Variants in TTC3 observed in about 807,000 individuals in gnomAD.
The protein encoded by TTC3 is tetratricopeptide repeat domain 3.
In TTC3, 180 loss-of-function variants were observed where a neutral mutation model predicts 249.6. The observed-to-expected ratio is 0.72, with a 90% confidence interval of 0.64 to 0.82. TTC3 has a LOEUF of 0.82. Among genes scored for constraint, TTC3 ranks in the 40% least tolerant of loss-of-function variants. The probability of loss-of-function intolerance (pLI) is 0.00; values close to 1 mark genes in which losing one functional copy is unlikely to be tolerated. For synonymous variants in TTC3, 717 were observed against 805.0 expected, an observed-to-expected ratio of 0.89 and a Z score of 1.85; for missense variants, 2,061 against 2,398.4, an observed-to-expected ratio of 0.86 and a Z score of 2.94.
At chr21:37,108,122 C>T (rs977924737) in intron 10 of TTC3, 5 of 297,710 alleles carry the variant, frequency 1.7e-5, no homozygotes, top group South Asian at 1.0e-4. Context: ...GGTACAATGT[C>T]GAAATGTGCA....
At chr21:37,169,192 T>C (rs1002589209) in intron 34 of TTC3, among the ~76,000 whole-genome samples, 3 of 152,174 alleles carry the variant, frequency 2.0e-5, no homozygotes, top group African/African-American at 7.2e-5. Context: ...ACAGGATTAA[T>C]TTGAAACTAG....
At chr21:37,191,276 C>A in intron 39 of TTC3, 58 bp from the exon 40 acceptor site, 1 of 1,187,644 alleles carries the variant, frequency 8.4e-7, no homozygotes, top group Non-Finnish European at 1.2e-6. Context: ...GTTTATTTGA[C>A]CGTAAGTGCT....
chr21:37,139,875 C>T (rs16994760), intron 19 of TTC3, among the ~76,000 whole-genome samples: 1,930 of 152,218 alleles, frequency 0.013, 35 homozygotes, highest in African/African-American at 0.045. Flanking sequence ...ACAGCCCTTG[C>T]TTCAAACGTT....
chr21:37,147,949 G>A (rs1317488537), intron 22 of TTC3, among the ~76,000 whole-genome samples: 2 of 152,048 alleles, frequency 1.3e-5, no homozygotes, highest in Non-Finnish European at 2.9e-5. Flanking sequence ...GGATGGTCTC[G>A]ATCTCTTGAC....
chr21:37,091,169 A>G, intron 6 of TTC3, 124 bp from the exon 7 acceptor site: 1 of 998,644 alleles, frequency 1.0e-6, no homozygotes, highest in Non-Finnish European at 1.5e-6. Context: ...GTAGCAAAAA[A>G]TAAGTGGTTG....
At chr21:37,198,197 G>A (rs949499973) in intron 44 of TTC3, among the ~76,000 whole-genome samples, 172 bp downstream of exon 44, 1 of 152,152 alleles carries the variant, frequency 6.6e-6, no homozygotes, top group African/African-American at 2.4e-5. Context: ...GTGAATGGCC[G>A]AGGTCATGGT....
In TTC3 at chr21:37,198,629, GTTAAAA is replaced by G. The variant is rs369242521; in HGVS notation, c.5850+611_5850+616del. ...GGACCTAATTTGATAACCATAGTTT[GTTAAAA>G]TTAAAAGTATTAATTTTCAAATTAC... On this transcript the variant is annotated intron_variant, in intron 44 of 45. Coordinates refer to ENST00000355666, the Ensembl canonical transcript of TTC3. Among the ~76,000 whole-genome samples, 254 of 152,240 alleles carry G rather than the reference GTTAAAA, an allele frequency of 1.7e-3. 1 individual carries two copies. Among genetic ancestry groups the G allele is most frequent in the Non-Finnish European group, 3.1e-3 (214 of 68,014 alleles).
chr21:37,167,722 C>G (rs1045094547), intron 34 of TTC3, 102 bp downstream of exon 34: 6 of 787,384 alleles, frequency 7.6e-6, no homozygotes, highest in African/African-American at 7.2e-5. Context: ...TTATTCCACA[C>G]AAAGTTATCA....
intron 21 of TTC3, 23 bp from the exon 22 acceptor site, chr21:37,147,458 C>G (rs1186589517): frequency 6.3e-7 from 1 of 1,585,158 alleles, no homozygotes; most frequent in Non-Finnish European, 8.6e-7. Context: ...GTAATGGTAT[C>G]ATTTTTGTTT....
At chr21:37,110,579 A>C (rs1412243628) in intron 11 of TTC3, among the ~76,000 whole-genome samples, 1 of 152,204 alleles carries the variant, frequency 6.6e-6, no homozygotes, top group Non-Finnish European at 1.5e-5. Context: ...ATCTACGTCT[A>C]ATTGGTGTAC....
chr21:37,168,947 A>G (rs1185346765), intron 34 of TTC3, among the ~76,000 whole-genome samples: 3 of 152,162 alleles, frequency 2.0e-5, no homozygotes, highest in East Asian at 3.9e-4. Context: ...GGATGTTGGC[A>G]GTTGTCAGGA....
intron 21 of TTC3, among the ~76,000 whole-genome samples, chr21:37,146,554 A>G (rs1469677853): frequency 6.6e-6 from 1 of 152,148 alleles, no homozygotes; most frequent in Non-Finnish European, 1.5e-5. Flanking sequence ...ATGCTGCAGC[A>G]TGGATGGACC....
chr21:37,176,795 C>T (rs980326031), intron 35 of TTC3, among the ~76,000 whole-genome samples: 1 of 152,214 alleles, frequency 6.6e-6, no homozygotes, highest in African/African-American at 2.4e-5. Flanking sequence ...CCCCAAGCCA[C>T]ACCAGTACGA....
Position 37,087,417 on chromosome 21 carries a change from A to G in TTC3, c.144+16A>G, listed in dbSNP as rs750009298. Reference sequence around the variant, plus strand: ...TGATGGGGTGGTAAGTAGGTTTGCTAATTTTTCATTTTTGACATTGTGTAT... The same window carrying G: ...TGATGGGGTGGTAAGTAGGTTTGCTGATTTTTCATTTTTGACATTGTGTAT... On this transcript the variant is annotated intron_variant, in intron 2 of 45. Coordinates refer to ENST00000355666, the Ensembl canonical transcript of TTC3. 95 of 1,612,340 alleles carry G rather than the reference A, an allele frequency of 5.9e-5. No homozygotes were observed. The highest frequency in any genetic ancestry group is 5.7e-5 in the Non-Finnish European group (67 of 1,179,218).
intron 10 of TTC3, among the ~76,000 whole-genome samples, chr21:37,103,045 T>C (rs1348897288): frequency 1.3e-5 from 2 of 152,146 alleles, no homozygotes; most frequent in Non-Finnish European, 2.9e-5. Context: ...GGTGAAGCCA[T>C]GTATGATTAG....
exon 33 of TTC3, chr21:37,166,075 T>G: frequency 6.2e-7 from 1 of 1,614,164 alleles, no homozygotes; most frequent in South Asian, 1.1e-5. Flanking sequence ...AGGATGCAAA[T>G]TACAAGCGAG....
chr21:37,148,704 TCCC>T (rs1052936791), intron 23 of TTC3, 57 bp downstream of exon 23: 1 of 1,194,314 alleles, frequency 8.4e-7, no homozygotes, highest in Admixed American at 2.6e-5. Context: ...TGTCAATTTT[TCCC>T]CCAAGAATTC....
At chr21:37,175,553 C>T in intron 35 of TTC3, among the ~76,000 whole-genome samples, 1 of 138,122 alleles carries the variant, frequency 7.2e-6, no homozygotes, top group Non-Finnish European at 1.5e-5. Flanking sequence ...GCCAAGATCG[C>T]ACCATTGCAC....
chr21:37,087,265 AT>A lies in TTC3; in HGVS notation c.12del (p.Phe4LeufsTer14), dbSNP rs2072618615. 1 of 1,613,788 alleles carries A rather than the reference AT, an allele frequency of 6.2e-7. No homozygotes were observed. Among genetic ancestry groups the A allele is most frequent in the Non-Finnish European group, 8.5e-7 (1 of 1,179,990 alleles). ...TCCTTAGACTTGTGCACCATGGACA[AT>A]TTTGCTGAGGGAGATTTCACTGTGG... On this transcript the variant is annotated frameshift_variant, in exon 2 of 46. Coordinates refer to ENST00000355666, the Ensembl canonical transcript of TTC3. LOFTEE classifies it high-confidence loss of function.
Sources: gnomAD v4.1 joint callset for allele counts (sites outside exome capture counted in the v4.1 genomes callset) on GRCh38, gnomAD v4.1.1 for gene constraint, MANE v1.5 for transcripts, NCBI Gene and HGNC (gene_info 2026-07-23, HGNC 2026-07-21) for gene names.